FRMPD1: variants seen among roughly 807,000 people sequenced by gnomAD.
FRMPD1 encodes the protein FERM and PDZ domain containing 1.
FRMPD1 carries 76 observed loss-of-function variants against 117.8 expected under a neutral mutation model. The observed-to-expected ratio is 0.65, with a 90% CI of 0.54 to 0.78. FRMPD1 has a LOEUF of 0.78. FRMPD1 is among the 30% of genes least tolerant of loss of function. The pLI is 0.00. For synonymous variants in FRMPD1, 783 were observed against 770.4 expected (o/e 1.02, Z -0.27); for missense variants, 1,786 against 1,964.5 (o/e 0.91, Z 1.72).
intron 2 of FRMPD1, among the ~76,000 whole-genome samples, chr9:37,700,258 G>A (rs1382750426): frequency 6.6e-6 from 1 of 152,090 alleles, no homozygotes; most frequent in Non-Finnish European, 1.5e-5. Context: ...CCTTTCAACT[G>A]TAGGAGCACT....
chr9:37,652,366 C>T (rs923992467), intron 1 of FRMPD1, among the ~76,000 whole-genome samples: 1 of 152,214 alleles, frequency 6.6e-6, no homozygotes, highest in Non-Finnish European at 1.5e-5. Flanking sequence ...GCAAAACAAG[C>T]ACGAGGTAGT....
chr9:37,658,368 G>T (rs755710547), intron 1 of FRMPD1, among the ~76,000 whole-genome samples: 1 of 152,218 alleles, frequency 6.6e-6, no homozygotes, highest in African/African-American at 2.4e-5. Flanking sequence ...AGTGGTTGAC[G>T]TGGGGTCGGG....
chr9:37,719,891 TC>T (rs1279515165), intron 6 of FRMPD1, among the ~76,000 whole-genome samples: 16 of 152,232 alleles, frequency 1.1e-4, no homozygotes, highest in Admixed American at 1.0e-3. Context: ...GATAAAAGGC[TC>T]ATTTATTCAT....
chr9:37,606,256 G>A, the FRMPD1 span, among the ~76,000 whole-genome samples: 22 of 152,300 alleles, frequency 1.4e-4, no homozygotes, highest in Admixed American at 5.9e-4. Flanking sequence ...TATTTATCCC[G>A]GTGGAAGAGG....
At chr9:37,682,617 A>T (rs930724129) in intron 1 of FRMPD1, among the ~76,000 whole-genome samples, 1 of 152,194 alleles carries the variant, frequency 6.6e-6, no homozygotes, top group Non-Finnish European at 1.5e-5. Context: ...CCTAGGTTTT[A>T]TCTGGAGGGA....
At chr9:37,636,215 T>C in the FRMPD1 span, among the ~76,000 whole-genome samples, 2 of 152,032 alleles carry the variant, frequency 1.3e-5, no homozygotes, top group African/African-American at 2.4e-5. Context: ...TGTCCTGAGG[T>C]CCAGCCCAGG....
the FRMPD1 span, among the ~76,000 whole-genome samples, chr9:37,613,320 T>C: frequency 7.2e-5 from 11 of 152,150 alleles, no homozygotes; most frequent in Non-Finnish European, 1.5e-4. Flanking sequence ...GATAACAAAA[T>C]AAAGATTTTT....
At chr9:37,685,417 G>A (rs1287376646) in intron 1 of FRMPD1, among the ~76,000 whole-genome samples, 2 of 152,102 alleles carry the variant, frequency 1.3e-5, no homozygotes, top group Admixed American at 6.5e-5. Context: ...GCCAAGGCGG[G>A]CGGATCACAA....
At chr9:37,646,249 A>C (rs1185801484), upstream of FRMPD1, among the ~76,000 whole-genome samples, 3 of 152,258 alleles carry the variant, frequency 2.0e-5, no homozygotes, top group Non-Finnish European at 4.4e-5. Flanking sequence ...TCTCTTAACC[A>C]AACCGTTTCA....
chr9:37,740,877 C>T lies in FRMPD1; in HGVS notation c.2349C>T (p.Pro783=), dbSNP rs1198890371. ...CTGATAAGCTCACTCCCCCAGGCCC[C>T]CCGTCAGGTGAGCCGTCCCTTGCAG... ...DAADKLTPPG[P]PSGPRDVSTA... The change falls in exon 15 of 16, where the codon CCC becomes CCT. Residue 783 remains proline, a synonymous_variant. Transcript: ENST00000377765. The surrounding 1 kb of genome is among the most constrained non-coding windows in gnomAD (Gnocchi z 4.2). 2.5e-6 allele frequency: 4 copies of T among 1,613,364 alleles called. No individual in the cohort carries two copies. Among genetic ancestry groups the T allele is most frequent in the Non-Finnish European group, 3.4e-6 (4 of 1,179,264 alleles).
intron 5 of FRMPD1, among the ~76,000 whole-genome samples, chr9:37,714,913 G>A (rs1347606358): frequency 6.6e-6 from 1 of 152,192 alleles, no homozygotes; most frequent in Non-Finnish European, 1.5e-5. Context: ...CTCCCAAAGT[G>A]CTGGGATTAC....
chr9:37,613,042 C>T, the FRMPD1 span, among the ~76,000 whole-genome samples: 13 of 152,284 alleles, frequency 8.5e-5, no homozygotes, highest in East Asian at 2.3e-3. Context: ...GCAAGAAGTT[C>T]TTTCCAGTCA....
intron 5 of FRMPD1, among the ~76,000 whole-genome samples, chr9:37,717,382 T>TGTA (rs1491339188): frequency 1.0e-4 from 9 of 86,580 alleles, no homozygotes; most frequent in African/African-American, 3.9e-4. Flanking sequence ...TATATATATA[T>TGTA]TTTTTTTTTT....
At chr9:37,666,204 G>A (rs909417390) in intron 1 of FRMPD1, among the ~76,000 whole-genome samples, 1 of 152,008 alleles carries the variant, frequency 6.6e-6, no homozygotes, top group African/African-American at 2.4e-5. Context: ...GCATTTTTTG[G>A]GTGTCTTCTT....
the FRMPD1 span, among the ~76,000 whole-genome samples, chr9:37,607,979 C>T: frequency 1.3e-5 from 2 of 152,164 alleles, no homozygotes; most frequent in African/African-American, 2.4e-5. Flanking sequence ...AGACATGGGT[C>T]GTGGCTTTTG....
chr9:37,663,398 C>T lies in FRMPD1; in HGVS notation c.-5+12304C>T, dbSNP rs143510324. Among the ~76,000 whole-genome samples the T allele has an allele frequency of 3.3e-4, 50 of 152,286 alleles. No individual in the cohort carries two copies. The East Asian group carries it at 9.4e-3, about 29-fold the overall frequency. On this transcript the variant is annotated intron_variant, in intron 1 of 15. Coordinates refer to ENST00000377765, the MANE Select transcript of FRMPD1 (RefSeq NM_014907.3). ...GATGCAGGGGGAGGGGGCTGATCAG[C>T]AGGTGAACTCAGCATGGGAATTAGG... is the stretch of plus-strand genomic sequence containing the variant.
At chr9:37,692,966 C>A (rs541859381) in intron 2 of FRMPD1, among the ~76,000 whole-genome samples, 1 of 152,232 alleles carries the variant, frequency 6.6e-6, no homozygotes, top group African/African-American at 2.4e-5. Context: ...CACCCCAACT[C>A]ACACACACTT....
the FRMPD1 span, among the ~76,000 whole-genome samples, chr9:37,611,441 A>T: frequency 2.0e-4 from 30 of 152,310 alleles, no homozygotes; most frequent in African/African-American, 7.2e-4. Flanking sequence ...ATCTAATATA[A>T]AGAAGGGATT....
At chr9:37,639,669 T>C in the FRMPD1 span, among the ~76,000 whole-genome samples, 1 of 152,192 alleles carries the variant, frequency 6.6e-6, no homozygotes, top group Non-Finnish European at 1.5e-5. Context: ...ATCCATGGGC[T>C]GGATGACTCC....
Sources: gnomAD v4.1 joint callset for allele counts (sites outside exome capture counted in the v4.1 genomes callset) on GRCh38, gnomAD v4.1.1 for gene constraint, Gnocchi (gnomAD v3.1) non-coding constraint, MANE v1.5 for transcripts, NCBI Gene and HGNC (gene_info 2026-07-23, HGNC 2026-07-21) for gene names.